The following CRYBG3 variants were observed in gnomAD, a reference collection of about 807,000 sequenced individuals.
CRYBG3 encodes the protein very large A-kinase anchor protein.
CRYBG3 carries 127 observed loss-of-function variants against 244.2 expected under a neutral mutation model. The observed-to-expected ratio is 0.52, with a 90% CI of 0.45 to 0.60. CRYBG3 has a LOEUF of 0.60. Ranked by LOEUF, CRYBG3 falls within the 20% of genes least tolerant of loss-of-function variation. CRYBG3 has a pLI of 0.00. For synonymous variants in CRYBG3, 1,132 were observed against 1,195.8 expected (o/e 0.95, Z 1.10); for missense variants, 3,325 against 3,442.5 (o/e 0.97, Z 0.85).
At chr3:97,832,183 C>A in intron 1 of CRYBG3, among the ~76,000 whole-genome samples, 1 of 145,494 alleles carries the variant, frequency 6.9e-6, no homozygotes, top group Non-Finnish European at 1.5e-5. Context: ...CATTGACTTT[C>A]TTCACAGAAT....
chr3:97,941,338 T>C, intron 20 of CRYBG3, 32 bp downstream of exon 20: 1 of 1,501,450 alleles, frequency 6.7e-7, no homozygotes, highest in Non-Finnish European at 9.0e-7. Context: ...GTATGCCACT[T>C]TCTGGTCTGT....
intron 18 of CRYBG3, among the ~76,000 whole-genome samples, chr3:97,935,598 T>C (rs1163333225): frequency 6.6e-6 from 1 of 152,102 alleles, no homozygotes; most frequent in Non-Finnish European, 1.5e-5. Flanking sequence ...ATGCTCAAGT[T>C]GGTATCTTTT....
Position 97,872,089 on chromosome 3 carries a change from G to A in CRYBG3, c.895G>A (p.Gly299Ser). Reference sequence around the variant, plus strand: ...ATCTATGAAAGGAAATCTACTTGAAGGCCCATTAGAAGACTCTGATTGTAG... The same window carrying A: ...ATCTATGAAAGGAAATCTACTTGAAAGCCCATTAGAAGACTCTGATTGTAG... The part of the protein sequence containing the change: ...DSSMKGNLLE[G>S]PLEDSDCSKT... The change falls in exon 4 of 22, where the codon GGC (glycine) becomes AGC (serine). Residue 299 changes from glycine to serine, a missense_variant. Transcript: ENST00000389622. 6.5e-7 allele frequency: 1 copy of A among 1,535,932 alleles called. No individual in the cohort carries two copies. The highest frequency in any genetic ancestry group is 8.7e-7 in the Non-Finnish European group (1 of 1,146,780).
At chr3:97,893,931 T>C (rs1254128801) in intron 11 of CRYBG3, among the ~76,000 whole-genome samples, 1 of 152,306 alleles carries the variant, frequency 6.6e-6, no homozygotes, top group Middle Eastern at 3.4e-3. Flanking sequence ...CTAGTCACAA[T>C]AAAAATGTAA....
intron 7 of CRYBG3, among the ~76,000 whole-genome samples, chr3:97,884,581 A>C (rs1214703746): frequency 6.6e-6 from 1 of 152,162 alleles, no homozygotes; most frequent in Non-Finnish European, 1.5e-5. Flanking sequence ...GAAAGTATAC[A>C]AGGAAGCCAT....
Position 97,886,084 on chromosome 3 carries a change from T to C in CRYBG3, c.7153-547T>C, listed in dbSNP as rs891493898. Reference sequence around the variant, plus strand: ...TAATGCTTTTCTTCTTCAAACCTACTGCACTAGGAAATGGAGTCCTACAGG... The same window carrying C: ...TAATGCTTTTCTTCTTCAAACCTACCGCACTAGGAAATGGAGTCCTACAGG... On this transcript the variant is annotated intron_variant, in intron 7 of 21. Transcript: ENST00000389622. Among the ~76,000 whole-genome samples, 5 of 152,314 alleles carry C rather than the reference T, an allele frequency of 3.3e-5. No individual in the cohort carries two copies. The East Asian group carries it at 9.6e-4, about 29-fold the overall frequency.
At chr3:97,828,156 A>G (rs887783050) in intron 1 of CRYBG3, among the ~76,000 whole-genome samples, 1 of 152,226 alleles carries the variant, frequency 6.6e-6, no homozygotes, top group Non-Finnish European at 1.5e-5. Context: ...TTGATAAGCA[A>G]AACTCCAGTT....
intron 17 of CRYBG3, among the ~76,000 whole-genome samples, chr3:97,916,108 T>C (rs2039926109): frequency 1.3e-5 from 2 of 152,182 alleles, no homozygotes; most frequent in South Asian, 4.1e-4. Flanking sequence ...TTAAATGAGA[T>C]GATGCTTATA....
intron 15 of CRYBG3, among the ~76,000 whole-genome samples, chr3:97,909,967 G>C (rs1236061566): frequency 1.3e-5 from 2 of 151,066 alleles, no homozygotes; most frequent in African/African-American, 2.5e-5. Flanking sequence ...CCTTCTAACA[G>C]ACAGGACCCT....
chr3:97,908,529 G>T (rs1307808714), intron 15 of CRYBG3, among the ~76,000 whole-genome samples: 2 of 152,002 alleles, frequency 1.3e-5, no homozygotes, highest in Non-Finnish European at 2.9e-5. Context: ...TTTGATCTTT[G>T]TTGGTTTAAA....
chr3:97,872,359 C>A lies in CRYBG3; in HGVS notation c.1165C>A (p.His389Asn). 6.5e-7 allele frequency: 1 copy of A among 1,535,862 alleles called. No individual in the cohort carries two copies. The highest frequency in any genetic ancestry group is 8.7e-7 in the Non-Finnish European group (1 of 1,146,820). Residue 389 changes from histidine (H) to asparagine (N), a missense_variant, in exon 4 of 22, where the codon CAT becomes AAT. Transcript: ENST00000389622. ...VCSALLTGSN[H>N]RKVPCSPDFQ... is the part of the protein sequence containing the mutation. ...TTCAGCATTGTTAACAGGAAGTAAC[C>A]ATCGCAAAGTCCCTTGCAGCCCAGA...
rs2040078678 is a variant in CRYBG3 at position 97,929,809 on chromosome 3, A to G, written c.8242-3885A>G. On this transcript the variant is annotated intron_variant, in intron 17 of 21. Transcript: ENST00000389622. The stretch of plus-strand genomic sequence containing the variant: ...TAAAATGTTTCAAATATTTTCTGTC[A>G]TCTTGTACAATTTTTTTCTCAATAT... 2.6e-5 allele frequency among the ~76,000 whole-genome samples: 4 copies of G among 151,942 alleles called. No homozygotes were observed. In the South Asian group the frequency reaches 8.3e-4, roughly 31 times the overall value.
rs947614873 is a variant in CRYBG3 at position 97,822,457 on chromosome 3, C to A, written c.149+102C>A. 12 of 1,136,454 alleles carry A rather than the reference C, an allele frequency of 1.1e-5. No individual in the cohort carries two copies. In the African/African-American group the frequency reaches 1.8e-4, roughly 17 times the overall value. The allele number at this position is 1,136,454 out of a possible 1,614,324, so 70.4% of individuals were successfully genotyped here. A position where few individuals can be genotyped will look rare whatever the true frequency, so the allele number is the denominator to read the frequency against. On this transcript the variant is annotated intron_variant, in intron 1 of 21. Coordinates refer to ENST00000389622, the MANE Select transcript of CRYBG3 (RefSeq NM_153605.4). ...AGCGGGCCGCTCTTGGGCCAGGCTG[C>A]AGTTCGCTCGCCACTTTCTGTTCTC...
At chr3:97,926,547 A>G (rs75810972) in intron 17 of CRYBG3, among the ~76,000 whole-genome samples, 2,284 of 152,156 alleles carry the variant, frequency 0.015, 49 homozygotes, top group African/African-American at 0.052. Context: ...GCTGTTCAGT[A>G]TAGCACTGGA....
Position 97,877,532 on chromosome 3 carries a change from C to A in CRYBG3, c.6338C>A (p.Ser2113Ter). ...CCTGGTCACCATGGCCCCAGGAAAT[C>A]AAGAGACAGTGAAAACCAGTCCTCT... Reference protein sequence around the residue: ...VSPGHHGPRKSRDSENQSSSV... With the variant: ...VSPGHHGPRK Residue 2113 changes from serine (S) to a stop codon, truncating the protein, a stop_gained, in exon 4 of 22, where the codon TCA becomes TAA. Coordinates refer to ENST00000389622, the MANE Select transcript of CRYBG3 (RefSeq NM_153605.4). LOFTEE classifies it high-confidence loss of function. 6.2e-7 allele frequency: 1 copy of A among 1,614,066 alleles called. No individual in the cohort carries two copies. The highest frequency in any genetic ancestry group is 1.1e-5 in the South Asian group (1 of 91,068).
At chr3:97,941,102 C>T (rs912964549) in intron 19 of CRYBG3, 46 bp from the exon 20 acceptor site, 2 of 1,528,520 alleles carry the variant, frequency 1.3e-6, no homozygotes, top group South Asian at 2.5e-5. Context: ...GGATTCATTT[C>T]CAGATTCAAA....
intron 16 of CRYBG3, among the ~76,000 whole-genome samples, chr3:97,912,545 A>G (rs915892227): frequency 2.0e-5 from 3 of 152,188 alleles, no homozygotes; most frequent in African/African-American, 7.2e-5. Flanking sequence ...AATATTTTGA[A>G]TGTTTATATT....
chr3:97,822,482 CCTT>C (rs1226457970), intron 1 of CRYBG3, 127 bp downstream of exon 1: 10 of 889,694 alleles, frequency 1.1e-5, no homozygotes, highest in Non-Finnish European at 1.6e-5. Flanking sequence ...TTTCTGTTCT[CCTT>C]CCTCCATTGC....
intron 1 of CRYBG3, among the ~76,000 whole-genome samples, chr3:97,841,948 A>G (rs2038825466): frequency 6.6e-6 from 1 of 152,058 alleles, no homozygotes; most frequent in Non-Finnish European, 1.5e-5. Context: ...CTCTATTACC[A>G]CCTGCTTTTG....
Sources: allele counts gnomAD v4.1 joint callset (sites outside exome capture counted in the v4.1 genomes callset), GRCh38; gene constraint gnomAD v4.1.1; transcripts MANE v1.5; gene names NCBI Gene and HGNC (gene_info 2026-07-23, HGNC 2026-07-21).